The following GPHN variants were observed in gnomAD, a reference collection of about 807,000 sequenced individuals.
GPHN encodes gephyrin.
GPHN carries 17 observed loss-of-function variants against 95.5 expected under a neutral mutation model. That is an observed-to-expected ratio of 0.18 (90% CI 0.12 to 0.27). The LOEUF is 0.27. Among genes scored for constraint, GPHN ranks in the 10% least tolerant of loss-of-function variants. GPHN has a pLI of 1.00. For synonymous variants in GPHN, 320 were observed against 322.5 expected (o/e 0.99, Z 0.08); for missense variants, 660 against 978.1 (o/e 0.67, Z 4.34).
chr14:66,634,989 C>T (rs1360333454), intron 1 of GPHN, among the ~76,000 whole-genome samples: 3 of 152,168 alleles, frequency 2.0e-5, no homozygotes, highest in African/African-American at 7.2e-5. Context: ...AGATTTGTTT[C>T]CATCTCTGAT....
chr14:67,089,399 A>C (rs150599876), intron 12 of GPHN, among the ~76,000 whole-genome samples: 1,833 of 152,208 alleles, frequency 0.012, 18 homozygotes, highest in Non-Finnish European at 0.018. Context: ...TGAGATATTT[A>C]GATACAGGCA....
At chr14:67,645,056 A>G in the GPHN span, among the ~76,000 whole-genome samples, 1 of 151,666 alleles carries the variant, frequency 6.6e-6, no homozygotes, top group African/African-American at 2.4e-5. Context: ...CATGCAATAC[A>G]TCTTTTTACT....
chr14:67,225,822 T>C, the GPHN span, among the ~76,000 whole-genome samples: 64 of 152,252 alleles, frequency 4.2e-4, no homozygotes, highest in African/African-American at 1.3e-3. Flanking sequence ...ATGAAACTTC[T>C]CTCAGCCATG....
chr14:67,522,672 T>C, the GPHN span, among the ~76,000 whole-genome samples: 4 of 152,058 alleles, frequency 2.6e-5, no homozygotes, highest in Non-Finnish European at 5.9e-5. Flanking sequence ...AGGTCCTGGG[T>C]TGGGGTAGAC....
the GPHN span, chr14:67,674,292 G>A: frequency 9.0e-3 from 11,755 of 1,299,170 alleles, 625 homozygotes; most frequent in African/African-American, 0.13. Flanking sequence ...ACGCGGGCCC[G>A]GGTCTGGGAG....
intron 1 of GPHN, among the ~76,000 whole-genome samples, chr14:66,544,951 A>C (rs1213419710): frequency 6.6e-6 from 1 of 152,200 alleles, no homozygotes; most frequent in Non-Finnish European, 1.5e-5. Flanking sequence ...AATATTTCTT[A>C]GTACAGAACA....
the GPHN span, among the ~76,000 whole-genome samples, chr14:67,730,375 T>G: frequency 7.9e-5 from 12 of 152,190 alleles, no homozygotes; most frequent in Non-Finnish European, 1.8e-4. Flanking sequence ...AAGTGTACAG[T>G]GCATACCAGA....
At chr14:67,726,928 T>A in the GPHN span, 5 of 1,545,696 alleles carry the variant, frequency 3.2e-6, no homozygotes, top group Non-Finnish European at 4.5e-6. Context: ...TCCCACATGC[T>A]GAGCCTGGGC....
the GPHN span, among the ~76,000 whole-genome samples, chr14:67,474,192 G>A: frequency 1.3e-4 from 20 of 151,912 alleles, no homozygotes; most frequent in African/African-American, 4.3e-4. Flanking sequence ...GCAGAGGTTG[G>A]AGTGAGCCAA....
At chr14:67,684,355 T>C in the GPHN span, among the ~76,000 whole-genome samples, 499 of 152,214 alleles carry the variant, frequency 3.3e-3, 17 homozygotes, top group East Asian at 0.081. Flanking sequence ...CAAAATAATA[T>C]GGGAGAAGAA....
chr14:67,654,772 A>G, the GPHN span, among the ~76,000 whole-genome samples: 1 of 152,038 alleles, frequency 6.6e-6, no homozygotes, highest in Non-Finnish European at 1.5e-5. Context: ...GCTCACGCTT[A>G]TAATTCTAGC....
chr14:67,512,040 T>C, the GPHN span, among the ~76,000 whole-genome samples: 3 of 152,240 alleles, frequency 2.0e-5, no homozygotes, highest in South Asian at 2.1e-4. Flanking sequence ...CTGGTACTGA[T>C]GTAAATTCTG....
At chr14:66,536,182 C>A (rs1055429629) in intron 1 of GPHN, among the ~76,000 whole-genome samples, 1 of 152,128 alleles carries the variant, frequency 6.6e-6, no homozygotes, top group East Asian at 1.9e-4. Flanking sequence ...GAACTCCTGG[C>A]TCAAATGATA....
intron 2 of GPHN, among the ~76,000 whole-genome samples, chr14:66,703,611 C>G (rs529320139): frequency 7.1e-5 from 6 of 84,528 alleles, no homozygotes; most frequent in Admixed American, 6.0e-4. Context: ...ACCACCAGGA[C>G]TGCCTTGCAA....
chr14:67,607,534 T>C, the GPHN span, among the ~76,000 whole-genome samples: 1 of 152,094 alleles, frequency 6.6e-6, no homozygotes, highest in Admixed American at 6.5e-5. Context: ...GGCCAGTTAA[T>C]GTTTGTATTT....
At chr14:67,565,749 A>G in the GPHN span, among the ~76,000 whole-genome samples, 1 of 152,186 alleles carries the variant, frequency 6.6e-6, no homozygotes, top group Non-Finnish European at 1.5e-5. Flanking sequence ...AGGGGGTGAC[A>G]TCAGGGTGGA....
At chr14:67,287,010 G>T in the GPHN span, among the ~76,000 whole-genome samples, 1 of 152,196 alleles carries the variant, frequency 6.6e-6, no homozygotes, top group Non-Finnish European at 1.5e-5. Context: ...TTGAGTCCAG[G>T]AGTTCAAGAC....
chr14:67,500,937 C>G, the GPHN span, among the ~76,000 whole-genome samples: 3 of 151,720 alleles, frequency 2.0e-5, no homozygotes, highest in African/African-American at 7.3e-5. Context: ...CAAATTGACT[C>G]AAATGAGTAG....
At chr14:66,671,531 C>T (rs1266420570) in intron 1 of GPHN, among the ~76,000 whole-genome samples, 4 of 152,126 alleles carry the variant, frequency 2.6e-5, no homozygotes, top group South Asian at 2.1e-4. Context: ...AAATGACTAT[C>T]GTAATATAAG....
Sources: allele counts gnomAD v4.1 joint callset (sites outside exome capture counted in the v4.1 genomes callset), GRCh38; gene constraint gnomAD v4.1.1; transcripts MANE v1.5; gene names NCBI Gene and HGNC (gene_info 2026-07-23, HGNC 2026-07-21).